NELL1: variants seen among roughly 807,000 people sequenced by gnomAD.
NELL1 encodes the protein protein kinase C-binding protein NELL1.
Under a neutral mutation model 107.4 loss-of-function variants are expected in NELL1, and 76 were observed. The observed-to-expected ratio is 0.71, with a 90% CI of 0.59 to 0.86. NELL1 has a LOEUF of 0.86. Ranked by LOEUF, NELL1 falls within the 40% of genes least tolerant of loss-of-function variation. NELL1 has a pLI of 0.00. For synonymous variants in NELL1, 353 were observed against 341.2 expected (o/e 1.03, Z -0.38); for missense variants, 1,024 against 1,005.5 (o/e 1.02, Z -0.25).
At chr11:20,671,791 G>A (rs1853918417) in intron 1 of NELL1, among the ~76,000 whole-genome samples, 1 of 152,154 alleles carries the variant, frequency 6.6e-6, no homozygotes, top group Admixed American at 6.5e-5. Flanking sequence ...TGGTGGAGAG[G>A]TAGGAGTATA....
chr11:21,251,179 T>C (rs1248821624), intron 14 of NELL1, among the ~76,000 whole-genome samples: 1 of 152,166 alleles, frequency 6.6e-6, no homozygotes. Flanking sequence ...TAGATCTGTT[T>C]AATTACTGCT....
At chr11:21,495,193 A>T (rs1320692533) in intron 15 of NELL1, among the ~76,000 whole-genome samples, 1 of 152,140 alleles carries the variant, frequency 6.6e-6, no homozygotes, top group Non-Finnish European at 1.5e-5. Context: ...AAGCAACACT[A>T]AGCTACTTTC....
chr11:20,854,546 G>A (rs1848846549), intron 4 of NELL1, among the ~76,000 whole-genome samples: 1 of 152,180 alleles, frequency 6.6e-6, no homozygotes, highest in Non-Finnish European at 1.5e-5. Flanking sequence ...AAAGACCAAA[G>A]CCCACTTCTC....
chr11:21,086,399 T>C (rs146198101), intron 12 of NELL1, among the ~76,000 whole-genome samples: 1 of 152,342 alleles, frequency 6.6e-6, no homozygotes, highest in East Asian at 1.9e-4. Context: ...AAAGCACTAG[T>C]ATTTTCATTT....
In NELL1 at chr11:21,382,272, T is replaced by A. The variant is rs76926235; in HGVS notation, c.1645+11324T>A. On this transcript the variant is annotated intron_variant, in intron 15 of 19. Transcript: ENST00000357134. ...TATGTGGAAGGTGACTAATGGTTAA[T>A]GCAGGCACAACTGATTTTTACAAGT... 7.5e-3 allele frequency among the ~76,000 whole-genome samples: 1,148 copies of A among 152,090 alleles called. 16 individuals carry two copies. Among genetic ancestry groups the A allele is most frequent in the African/African-American group, 0.026 (1,084 of 41,560 alleles).
intron 7 of NELL1, among the ~76,000 whole-genome samples, chr11:20,921,795 TGTG>T (rs1850382384): frequency 1.6e-5 from 1 of 63,606 alleles, no homozygotes; most frequent in Non-Finnish European, 3.5e-5. Flanking sequence ...TTTTATTGTG[TGTG>T]TTTTTTTTTT....
At chr11:20,798,102 T>A (rs1857210284) in intron 3 of NELL1, among the ~76,000 whole-genome samples, 1 of 152,140 alleles carries the variant, frequency 6.6e-6, no homozygotes, top group African/African-American at 2.4e-5. Flanking sequence ...GTTTAAAGGA[T>A]GTATACTTGA....
intron 10 of NELL1, among the ~76,000 whole-genome samples, chr11:20,944,341 A>G (rs925222426): frequency 6.6e-6 from 1 of 152,142 alleles, no homozygotes; most frequent in African/African-American, 2.4e-5. Flanking sequence ...TTTTTAAAAA[A>G]AAATCAACAT....
At chr11:20,756,516 ATT>A (rs753445309) in intron 2 of NELL1, among the ~76,000 whole-genome samples, 1,811 of 97,270 alleles carry the variant, frequency 0.019, 39 homozygotes, top group African/African-American at 0.069. Flanking sequence ...ATTTTTTGTA[ATT>A]TTTTTTTTTT....
chr11:20,871,572 A>G (rs1488968068), intron 4 of NELL1, among the ~76,000 whole-genome samples: 1 of 152,054 alleles, frequency 6.6e-6, no homozygotes, highest in Non-Finnish European at 1.5e-5. Flanking sequence ...ATTTCTTTAT[A>G]ATGCTTTGCA....
At chr11:21,559,286 G>A (rs1490570717) in intron 16 of NELL1, among the ~76,000 whole-genome samples, 2 of 151,966 alleles carry the variant, frequency 1.3e-5, no homozygotes, top group African/African-American at 2.4e-5. Flanking sequence ...GAAGTTACTC[G>A]GTAGTATATT....
chr11:20,916,979 G>C (rs576089477), intron 5 of NELL1, among the ~76,000 whole-genome samples: 1 of 151,928 alleles, frequency 6.6e-6, no homozygotes, highest in Non-Finnish European at 1.5e-5. Flanking sequence ...CAGGTTCCCT[G>C]ACTTCTAATC....
At chr11:21,197,018 C>T (rs770490057) in intron 13 of NELL1, among the ~76,000 whole-genome samples, 46 of 151,300 alleles carry the variant, frequency 3.0e-4, no homozygotes, top group Non-Finnish European at 6.0e-4. Flanking sequence ...ACTACAGGCA[C>T]CTGCCACCAT....
intron 12 of NELL1, among the ~76,000 whole-genome samples, chr11:21,049,497 T>C (rs908324829): frequency 6.6e-6 from 1 of 152,134 alleles, no homozygotes; most frequent in African/African-American, 2.4e-5. Flanking sequence ...TTCTAGATGA[T>C]GCCAGAAACT....
intron 15 of NELL1, among the ~76,000 whole-genome samples, chr11:21,429,507 G>T (rs1852915464): frequency 6.6e-6 from 1 of 152,188 alleles, no homozygotes; most frequent in South Asian, 2.1e-4. Flanking sequence ...CTTCAATCCT[G>T]TCTTGGCTGT....
intron 13 of NELL1, among the ~76,000 whole-genome samples, chr11:21,208,340 A>T (rs952402609): frequency 6.6e-6 from 1 of 151,778 alleles, no homozygotes. Flanking sequence ...TCTCTTCAAC[A>T]CTAGTGTAAA....
chr11:20,688,335 G>C (rs1355787764), intron 2 of NELL1, among the ~76,000 whole-genome samples: 2 of 152,068 alleles, frequency 1.3e-5, no homozygotes, highest in African/African-American at 4.8e-5. Context: ...GGTTACCCAG[G>C]TAGTAAGGAT....
intron 12 of NELL1, among the ~76,000 whole-genome samples, chr11:21,037,859 G>A (rs1396437805): frequency 3.3e-5 from 5 of 152,088 alleles, no homozygotes; most frequent in African/African-American, 1.2e-4. Context: ...TTCAGGACAT[G>A]TATTCTGCCT....
At chr11:20,744,421 C>T (rs897349825) in intron 2 of NELL1, among the ~76,000 whole-genome samples, 3 of 152,194 alleles carry the variant, frequency 2.0e-5, no homozygotes, top group African/African-American at 7.2e-5. Context: ...TGCTGTATAA[C>T]ACACTACTCT....
Sources: allele counts gnomAD v4.1 joint callset (sites outside exome capture counted in the v4.1 genomes callset), GRCh38; gene constraint gnomAD v4.1.1; transcripts MANE v1.5; gene names NCBI Gene and HGNC (gene_info 2026-07-23, HGNC 2026-07-21).